Variants in EGFLAM observed in about 807,000 individuals in gnomAD.
EGFLAM encodes EGF like, fibronectin type III and laminin G domains.
Under a neutral mutation model 113.1 loss-of-function variants are expected in EGFLAM, and 79 were observed. The ratio of observed to expected loss-of-function variants is 0.70; its 90% CI spans 0.58 to 0.84. EGFLAM has a LOEUF of 0.84. Among genes scored for constraint, EGFLAM ranks in the 40% least tolerant of loss-of-function variants. The probability of loss-of-function intolerance (pLI) is 0.00; values close to 1 mark genes in which losing one functional copy is unlikely to be tolerated. For synonymous variants in EGFLAM, 504 were observed against 487.6 expected, an observed-to-expected ratio of 1.03 and a Z score of -0.44; for missense variants, 1,265 against 1,291.6, an observed-to-expected ratio of 0.98 and a Z score of 0.32.
intron 1 of EGFLAM, among the ~76,000 whole-genome samples, chr5:38,328,909 G>A (rs2246464): frequency 0.38 from 57,758 of 151,630 alleles, 15,090 homozygotes; most frequent in African/African-American, 0.75. Flanking sequence ...GAGCATGATG[G>A]AAGTTTTATG....
At chr5:38,448,559 A>C in intron 18 of EGFLAM, 180 bp downstream of exon 18, 1 of 633,446 alleles carries the variant, frequency 1.6e-6, no homozygotes, top group Non-Finnish European at 2.7e-6. Flanking sequence ...GAGCAAAATA[A>C]AACAAAAAAC....
chr5:38,268,741 A>G (rs1400833455), intron 1 of EGFLAM, among the ~76,000 whole-genome samples: 2 of 152,236 alleles, frequency 1.3e-5, no homozygotes, highest in East Asian at 1.9e-4. Context: ...GGCCACCACA[A>G]TTTTAAAAAG....
chr5:38,418,358 AC>A, intron 12 of EGFLAM, 103 bp downstream of exon 12: 1 of 1,390,316 alleles, frequency 7.2e-7, no homozygotes, highest in Non-Finnish European at 9.7e-7. Flanking sequence ...ATTAGGTGCT[AC>A]CCTGGGAAGC....
At chr5:38,442,315 A>C (rs1486909645) in intron 17 of EGFLAM, among the ~76,000 whole-genome samples, 2 of 148,086 alleles carry the variant, frequency 1.4e-5, no homozygotes, top group Admixed American at 1.4e-4. Context: ...CTAAATTTTT[A>C]TATTTAATAT....
intron 1 of EGFLAM, among the ~76,000 whole-genome samples, chr5:38,333,877 C>T (rs1739114749): frequency 7.0e-6 from 1 of 143,756 alleles, no homozygotes; most frequent in Non-Finnish European, 1.5e-5. Context: ...TCTTTTGGTC[C>T]ACTTTTCACT....
At chr5:38,418,299 T>A (rs373306218) in intron 12 of EGFLAM, 44 bp downstream of exon 12, 5 of 1,602,400 alleles carry the variant, frequency 3.1e-6, no homozygotes, top group Non-Finnish European at 3.4e-6. Context: ...ATGGGACTTA[T>A]GTCTTATGGG....
At chr5:38,362,153 C>T (rs1035264081) in intron 5 of EGFLAM, among the ~76,000 whole-genome samples, 1 of 152,112 alleles carries the variant, frequency 6.6e-6, no homozygotes, top group Non-Finnish European at 1.5e-5. Flanking sequence ...CACTTCAATC[C>T]CAACTGAAAG....
chr5:38,343,018 G>T (rs548870674), intron 3 of EGFLAM, among the ~76,000 whole-genome samples: 1 of 152,270 alleles, frequency 6.6e-6, no homozygotes, highest in African/African-American at 2.4e-5. Context: ...AAACTTACAG[G>T]AATCAGAAGA....
In EGFLAM at chr5:38,431,226, C is replaced by G. The variant is rs779331618; in HGVS notation, c.2104C>G (p.Arg702Gly). 6.2e-7 allele frequency: 1 copy of G among 1,614,044 alleles called. No individual in the cohort carries two copies. The highest frequency in any genetic ancestry group is 1.1e-5 in the South Asian group (1 of 91,080). ...CAACTGGCACGAGCTTCGTGTATCT[C>G]GCACAGCAAAGAATGGAATCTTACA... Reference protein sequence around the residue: ...LGNWHELRVSRTAKNGILQVD... With the variant: ...LGNWHELRVSGTAKNGILQVD... Residue 702 changes from arginine (R) to glycine (G), a missense_variant, in exon 15 of 22, where the codon CGC (arginine) becomes GGC (glycine). Physicochemically the swap from Arg to Gly is moderately radical, Grantham distance 125. Transcript: ENST00000322350.
intron 3 of EGFLAM, among the ~76,000 whole-genome samples, chr5:38,339,229 T>G (rs1017909517): frequency 1.3e-5 from 2 of 152,374 alleles, no homozygotes; most frequent in Admixed American, 6.5e-5. Context: ...TTGTTTATTT[T>G]TTTTTCAAGC....
chr5:38,283,323 C>T (rs552269799), intron 1 of EGFLAM, among the ~76,000 whole-genome samples: 9 of 152,110 alleles, frequency 5.9e-5, no homozygotes, highest in South Asian at 2.1e-4. Flanking sequence ...AGAAGAAGAC[C>T]GGTAGGAATT....
At chr5:38,364,310 A>T (rs1740003487) in intron 5 of EGFLAM, among the ~76,000 whole-genome samples, 1 of 152,182 alleles carries the variant, frequency 6.6e-6, no homozygotes, top group Non-Finnish European at 1.5e-5. Context: ...GAACCTGGAG[A>T]AACATAAGCT....
At chr5:38,271,720 C>T (rs1442685355) in intron 1 of EGFLAM, among the ~76,000 whole-genome samples, 4 of 152,166 alleles carry the variant, frequency 2.6e-5, no homozygotes, top group African/African-American at 9.7e-5. Flanking sequence ...GAAGCCATTC[C>T]TCTCTTCTCC....
chr5:38,414,741 T>C (rs762232114), intron 11 of EGFLAM, among the ~76,000 whole-genome samples: 10 of 152,296 alleles, frequency 6.6e-5, no homozygotes, highest in Non-Finnish European at 1.2e-4. Context: ...GAAGAGAAGA[T>C]GAAGGCATGC....
rs181110215 is a variant in EGFLAM, at chr5:38,351,682, G to C, written c.410-514G>C. ...TGGGTGACTCCTGCATCTTTACATA[G>C]AAGGGCATTTCCCAAATGACCTACC... On this transcript the variant is annotated intron_variant, in intron 4 of 21. Transcript: ENST00000322350. 5.9e-5 allele frequency among the ~76,000 whole-genome samples: 9 copies of C among 152,280 alleles called. No individual in the cohort carries two copies. In the East Asian group the frequency reaches 1.7e-3, roughly 29 times the overall value.
intron 1 of EGFLAM, among the ~76,000 whole-genome samples, chr5:38,265,346 C>T (rs774337709): frequency 2.2e-4 from 33 of 152,178 alleles, no homozygotes; most frequent in Non-Finnish European, 4.1e-4. Flanking sequence ...GTGGCTACCT[C>T]GTGTTCTCCT....
intron 6 of EGFLAM, among the ~76,000 whole-genome samples, chr5:38,380,530 T>C (rs1050897527): frequency 6.6e-6 from 1 of 152,232 alleles, no homozygotes; most frequent in African/African-American, 2.4e-5. Flanking sequence ...GTGAGCTTCA[T>C]GGATTTGTAA....
At chr5:38,369,762 A>G (rs1740155700) in intron 5 of EGFLAM, among the ~76,000 whole-genome samples, 2 of 152,226 alleles carry the variant, frequency 1.3e-5, no homozygotes, top group African/African-American at 4.8e-5. Context: ...CCTCCAAAGG[A>G]CATGTAAAAA....
At chr5:38,438,095 C>T (rs542788673) in intron 16 of EGFLAM, among the ~76,000 whole-genome samples, 180 bp from the exon 17 acceptor site, 65 of 147,968 alleles carry the variant, frequency 4.4e-4, no homozygotes, top group African/African-American at 1.6e-3. Context: ...GCACTCCAGC[C>T]TGGGCAACAC....
Sources: gnomAD v4.1 joint callset for allele counts (sites outside exome capture counted in the v4.1 genomes callset) on GRCh38, gnomAD v4.1.1 for gene constraint, MANE v1.5 for transcripts, NCBI Gene and HGNC (gene_info 2026-07-23, HGNC 2026-07-21) for gene names.